ACOX1: variants seen among roughly 807,000 people sequenced by gnomAD.
ACOX1 encodes the protein acyl-CoA oxidase 1.
In ACOX1, 41 loss-of-function variants were observed where a neutral mutation model predicts 75.5. The ratio of observed to expected loss-of-function variants is 0.54; its 90% confidence interval spans 0.42 to 0.70. The LOEUF (loss-of-function observed/expected upper bound fraction) is 0.70. ACOX1 is among the 30% of genes least tolerant of loss of function. The pLI, the probability that ACOX1 is intolerant of heterozygous loss-of-function variation, is 0.00. For missense variants in ACOX1, 630 were observed against 837.5 expected (o/e 0.75, Z 3.06); for synonymous variants, 303 against 298.8 (o/e 1.01, Z -0.15).
chr17:75,962,567 G>C (rs571439763), intron 2 of ACOX1, among the ~76,000 whole-genome samples: 1 of 152,134 alleles, frequency 6.6e-6, no homozygotes, highest in East Asian at 1.9e-4. Context: ...GCAAGGTAGG[G>C]AGGAAAAGAA....
In ACOX1 at chr17:75,979,164, G is replaced by A. The variant is rs1598207142; in HGVS notation, c.-91C>T. On this transcript the variant is annotated 5_prime_UTR_variant, in exon 1 of 14. Transcript: ENST00000293217. ...CTCCAGCGCCGGCCGGACCCTAGGA[G>A]GCAGCCTCAGGACGGCGCAAGTCCC... 1 of 1,521,104 alleles carries A rather than the reference G, an allele frequency of 6.6e-7. No homozygotes were observed. Among genetic ancestry groups the A allele is most frequent in the Non-Finnish European group, 8.9e-7 (1 of 1,127,478 alleles). The allele number at this position is 1,521,104 out of a possible 1,614,324, so 94.2% of individuals were successfully genotyped here.
rs1031181901 is a variant in ACOX1 at position 75,946,669 on chromosome 17, G to A, written c.*79C>T. 3.1e-6 allele frequency: 4 copies of A among 1,274,870 alleles called. No individual in the cohort carries two copies. In the African/African-American group the frequency reaches 5.9e-5, roughly 19 times the overall value. 79.0% of individuals were successfully genotyped at this position (1,274,870 alleles called of 1,614,324 possible). The stretch of plus-strand genomic sequence containing the variant: ...TTTATCATTTGCTCTATAGCTATTT[G>A]AATTCGAAAAAGATTCCACAAAATT... On this transcript the variant is annotated 3_prime_UTR_variant, in exon 14 of 14. Transcript: ENST00000293217.
rs1351845391 is a variant in ACOX1, at chr17:75,942,694, A to G, written c.*4054T>C. 1 of 152,050 alleles carries G rather than the reference A, an allele frequency of 6.6e-6. No homozygotes were observed. The highest frequency in any genetic ancestry group is 1.5e-5 in the Non-Finnish European group (1 of 68,024). 9.4% of individuals were successfully genotyped at this position (152,050 alleles called of 1,614,324 possible). A position where few individuals can be genotyped will look rare whatever the true frequency, so the allele number is the denominator to read the frequency against. On this transcript the variant is annotated 3_prime_UTR_variant, in exon 14 of 14. Coordinates refer to ENST00000293217, the MANE Select transcript of ACOX1 (RefSeq NM_004035.7). Reference sequence around the variant, plus strand: ...CTGTAGTAGCAGCTACTGCTTGAAGACAACCTATATATCCCAGGCATACCC... The same window carrying G: ...CTGTAGTAGCAGCTACTGCTTGAAGGCAACCTATATATCCCAGGCATACCC...
rs2065698415 is a variant in ACOX1, at chr17:75,944,122, T to A, written c.*2626A>T. ...GGTGGCACGTGCCTGTCGTCCCAGC[T>A]ACTCAGGAGACTGAGGAGGGAGGAC... On this transcript the variant is annotated 3_prime_UTR_variant, in exon 14 of 14. Coordinates refer to ENST00000293217, the MANE Select transcript of ACOX1 (RefSeq NM_004035.7). The A allele has an allele frequency of 6.6e-6, 1 of 152,098 alleles. No homozygotes were observed. The highest frequency in any genetic ancestry group is 1.5e-5 in the Non-Finnish European group (1 of 68,034). 9.4% of individuals were successfully genotyped at this position (152,098 alleles called of 1,614,324 possible).
At chr17:75,951,031 A>G in intron 8 of ACOX1, 67 bp from the exon 9 acceptor site, 5 of 1,495,524 alleles carry the variant, frequency 3.3e-6, no homozygotes, top group Non-Finnish European at 3.7e-6. Context: ...CAATGAGAAA[A>G]CACACCCCTC....
intron 2 of ACOX1, among the ~76,000 whole-genome samples, chr17:75,964,207 C>T (rs1316020669): frequency 1.3e-5 from 2 of 150,236 alleles, no homozygotes. Context: ...AAATTAATAG[C>T]GGAAATCCCA....
chr17:75,958,278 G>C (rs1380335218), intron 3 of ACOX1, among the ~76,000 whole-genome samples: 1 of 150,036 alleles, frequency 6.7e-6, no homozygotes, highest in Non-Finnish European at 1.5e-5. Context: ...GCTTGAACCC[G>C]GGAGGTGGAG....
chr17:75,968,435 C>CAAAAAAAAAAAAAAA (rs55909021), intron 2 of ACOX1, among the ~76,000 whole-genome samples: 2 of 21,008 alleles, frequency 9.5e-5, no homozygotes, highest in Admixed American at 4.5e-4. Flanking sequence ...GACTCCGTCT[C>CAAAAAAAAAAAAAAA]AAAAAAAAAA....
intron 3 of ACOX1, among the ~76,000 whole-genome samples, chr17:75,958,300 C>T (rs1286795935): frequency 2.7e-5 from 4 of 148,232 alleles, no homozygotes; most frequent in East Asian, 3.9e-4. Context: ...TTGCAGTGAG[C>T]CAAGATTGTG....
chr17:75,973,754 C>T lies in ACOX1; in HGVS notation c.269+4780G>A, dbSNP rs3744032. The T allele has an allele frequency of 0.053, 85,840 of 1,613,840 alleles. 2,586 individuals are homozygous for T. The highest frequency in any genetic ancestry group is 0.13 in the East Asian group (6,046 of 44,876). On this transcript the variant is annotated intron_variant, in intron 2 of 13. Coordinates refer to ENST00000293217, the MANE Select transcript of ACOX1 (RefSeq NM_004035.7). ...GGAATAAACATGGAGTAATTGAGGCCCACAGGTTCCACAAAATTGACCAAA... is the reference window on the plus strand; with the variant it reads ...GGAATAAACATGGAGTAATTGAGGCTCACAGGTTCCACAAAATTGACCAAA...
intron 7 of ACOX1, among the ~76,000 whole-genome samples, chr17:75,952,704 C>T (rs1353620815): frequency 2.6e-5 from 4 of 151,682 alleles, no homozygotes; most frequent in Non-Finnish European, 5.9e-5. Flanking sequence ...GTGGCGTGCA[C>T]CTGTAATCCC....
chr17:75,971,686 G>A (rs1233345167), intron 2 of ACOX1, among the ~76,000 whole-genome samples: 1 of 149,780 alleles, frequency 6.7e-6, no homozygotes, highest in Non-Finnish European at 1.5e-5. Context: ...AGGTTGCAGT[G>A]AGCTGAGATC....
intron 2 of ACOX1, among the ~76,000 whole-genome samples, chr17:75,976,811 C>T (rs1203564985): frequency 6.6e-6 from 1 of 151,964 alleles, no homozygotes; most frequent in Non-Finnish European, 1.5e-5. Context: ...TAGCTTGGTT[C>T]TAGTCTATAC....
intron 2 of ACOX1, among the ~76,000 whole-genome samples, chr17:75,977,430 G>A (rs992823583): frequency 2.0e-5 from 3 of 152,172 alleles, no homozygotes; most frequent in African/African-American, 7.2e-5. Flanking sequence ...GCCGGGTGTG[G>A]TGGCGGGCGC....
At chr17:75,952,749 G>T (rs2065786358) in intron 7 of ACOX1, among the ~76,000 whole-genome samples, 1 of 150,018 alleles carries the variant, frequency 6.7e-6, no homozygotes, top group Non-Finnish European at 1.5e-5. Flanking sequence ...AGAATCACTT[G>T]AACCCAGGGT....
chr17:75,963,476 C>T (rs780829905), intron 2 of ACOX1, among the ~76,000 whole-genome samples: 7 of 151,840 alleles, frequency 4.6e-5, no homozygotes, highest in African/African-American at 1.5e-4. Context: ...CCAAGGTGGG[C>T]GGATCATGAG....
chr17:75,978,852 G>T lies in ACOX1; in HGVS notation c.109+113C>A. On this transcript the variant is annotated intron_variant, in intron 1 of 13. Transcript: ENST00000293217. This position sits in a 1 kb window ranked among gnomAD's most constrained non-coding sequence, Gnocchi z 4.2. ...GCTGTTCCTCGAAGTGGGGGTCCCG[G>T]CTCCCCTAACGCTGGGCCAGAGGGC... 1 of 1,597,492 alleles carries T rather than the reference G, an allele frequency of 6.3e-7. No homozygotes were observed. The highest frequency in any genetic ancestry group is 1.1e-5 in the South Asian group (1 of 90,668).
At position 75,949,208 on chromosome 17, in the gene ACOX1, A is replaced by T; in HGVS notation, c.1728+9T>A. 1 of 1,614,162 alleles carries T rather than the reference A, an allele frequency of 6.2e-7. No homozygotes were observed. Among genetic ancestry groups the T allele is most frequent in the South Asian group, 1.1e-5 (1 of 91,082 alleles). On this transcript the variant is annotated intron_variant, in intron 12 of 13. Coordinates refer to ENST00000293217, the MANE Select transcript of ACOX1 (RefSeq NM_004035.7). ...CAACAAAAAAGACTTATACTTAGAA[A>T]ATACTGACCTGAAGGAAATCCCCCG...
chr17:75,952,885 A>G (rs1319782051), intron 7 of ACOX1, among the ~76,000 whole-genome samples: 1 of 151,756 alleles, frequency 6.6e-6, no homozygotes, highest in Admixed American at 6.6e-5. Context: ...ATGTTGCTCA[A>G]GTTGGCCTCA....
Sources: allele counts gnomAD v4.1 joint callset (sites outside exome capture counted in the v4.1 genomes callset), GRCh38; gene constraint gnomAD v4.1.1; non-coding constraint Gnocchi (gnomAD v3.1); transcripts MANE v1.5; gene names NCBI Gene and HGNC (gene_info 2026-07-23, HGNC 2026-07-21).